The following MGAM2 variants were observed in gnomAD, a reference collection of about 807,000 sequenced individuals.
MGAM2 encodes the protein maltase-glucoamylase 2 (putative), also known as probable maltase-glucoamylase 2.
Under a neutral mutation model 96.1 loss-of-function variants are expected in MGAM2, and 98 were observed. That is an observed-to-expected ratio of 1.02 (90% CI 0.87 to 1.21). The LOEUF is 1.21. Among genes scored for constraint, MGAM2 ranks in the 50% most tolerant of loss-of-function variants. The probability of loss-of-function intolerance (pLI) is 0.00; values close to 1 mark genes in which losing one functional copy is unlikely to be tolerated. For missense variants in MGAM2, 2,055 were observed against 1,182.4 expected (o/e 1.74, Z -10.82); for synonymous variants, 749 against 414.8 (o/e 1.81, Z -9.79).
intron 31 of MGAM2, among the ~76,000 whole-genome samples, chr7:142,174,012 T>A (rs1458212164): frequency 6.6e-6 from 1 of 152,140 alleles, no homozygotes; most frequent in Non-Finnish European, 1.5e-5. Context: ...TGTTTCTGGG[T>A]TCTCTATTAT....
intron 1 of MGAM2, among the ~76,000 whole-genome samples, chr7:142,113,885 A>G (rs555187884): frequency 1.3e-5 from 2 of 152,148 alleles, no homozygotes; most frequent in Non-Finnish European, 2.9e-5. Context: ...TAATCCTAGC[A>G]TTTTGGGAGG....
At chr7:142,176,313 T>A (rs1026679193) in intron 32 of MGAM2, among the ~76,000 whole-genome samples, 14 of 152,184 alleles carry the variant, frequency 9.2e-5, no homozygotes, top group Non-Finnish European at 1.6e-4. Flanking sequence ...GGAAGCCACA[T>A]CTTGACAAAT....
chr7:142,211,316 G>A (rs1327966327), intron 46 of MGAM2, among the ~76,000 whole-genome samples: 1 of 152,090 alleles, frequency 6.6e-6, no homozygotes, highest in Non-Finnish European at 1.5e-5. Context: ...CACCAGCAAG[G>A]GAACAAAACT....
chr7:142,162,084 C>G (rs973760472), intron 23 of MGAM2, 80 bp downstream of exon 23: 1 of 600,394 alleles, frequency 1.7e-6, no homozygotes, highest in African/African-American at 1.9e-5. Flanking sequence ...AATATAGACA[C>G]ATGGTTATGT....
At position 142,166,197 on chromosome 7, in the gene MGAM2, C is replaced by T. The variant is rs1345252014; in HGVS notation, c.2752C>T (p.Pro918Ser). 2.7e-5 allele frequency: 19 copies of T among 702,282 alleles called. No homozygotes were observed. The highest frequency in any genetic ancestry group is 8.0e-5 in the Admixed American group (4 of 49,932). 43.5% of individuals were successfully genotyped at this position (702,282 alleles called of 1,614,324 possible). A position where few individuals can be genotyped will look rare whatever the true frequency, so the allele number is the denominator to read the frequency against. ...VSDLEKFNCY[P>S]DDPTASEESC... The stretch of plus-strand genomic sequence containing the variant: ...TGACCTGGAGAAGTTCAACTGCTAC[C>T]CTGATGATCCAACAGCCTCTGAGGA... The change falls in exon 25 of 48, where the codon CCT becomes TCT. Residue 918 changes from proline (P) to serine (S), a missense_variant. Physicochemically the swap from Pro to Ser is moderately conservative, Grantham distance 74 (BLOSUM62 -1). Coordinates refer to ENST00000477922, the MANE Select transcript of MGAM2 (RefSeq NM_001293626.2).
intron 23 of MGAM2, 46 bp downstream of exon 23, chr7:142,162,050 G>A (rs1350253983): frequency 2.9e-5 from 19 of 656,202 alleles, no homozygotes; most frequent in Non-Finnish European, 5.2e-5. Flanking sequence ...TCCTTGCTGG[G>A]AAGGCTCTTT....
chr7:142,136,481 G>C, intron 7 of MGAM2, 60 bp from the exon 8 acceptor site: 1 of 564,370 alleles, frequency 1.8e-6, no homozygotes, highest in South Asian at 2.4e-5. Context: ...ATTTATTTTA[G>C]GGTGAATGAA....
At chr7:142,184,218 C>T (rs1255393439) in intron 33 of MGAM2, among the ~76,000 whole-genome samples, 2 of 152,008 alleles carry the variant, frequency 1.3e-5, no homozygotes, top group Non-Finnish European at 2.9e-5. Flanking sequence ...GGTGATCCAC[C>T]TGCCTCGGCC....
Position 142,141,077 on chromosome 7 carries a change from G to A in MGAM2, c.1275G>A (p.Lys425=), listed in dbSNP as rs765166087. ...AGCCCTATAATAATGGAAGCCTAAA[G>A]AGAGTGTGGATCTTGGGGAGCAATG... ...NYEPYNNGSL[K]RVWILGSNGF... The change falls in exon 12 of 48, where the codon AAG becomes AAA. Residue 425 remains lysine, a synonymous_variant. Transcript: ENST00000477922. The A allele has an allele frequency of 5.7e-6, 4 of 701,968 alleles. No homozygotes were observed. Among genetic ancestry groups the A allele is most frequent in the Non-Finnish European group, 1.0e-5 (4 of 384,492 alleles). 43.5% of individuals were successfully genotyped at this position (701,968 alleles called of 1,614,324 possible).
chr7:142,151,884 T>C (rs1795590677), intron 15 of MGAM2, among the ~76,000 whole-genome samples: 1 of 152,064 alleles, frequency 6.6e-6, no homozygotes, highest in Admixed American at 6.5e-5. Flanking sequence ...GCAGAGTGGA[T>C]CAAAAAATGG....
intron 26 of MGAM2, among the ~76,000 whole-genome samples, chr7:142,168,260 T>A (rs1364014048): frequency 2.6e-5 from 4 of 151,226 alleles, no homozygotes; most frequent in Non-Finnish European, 5.9e-5. Flanking sequence ...CCTGAGGATT[T>A]GCATTTCTTT....
rs1056158144 is a variant in MGAM2 at position 142,164,805 on chromosome 7, T to C, written c.2485-51T>C. 6.5e-6 allele frequency: 4 copies of C among 618,574 alleles called. No homozygotes were observed. In the African/African-American group the frequency reaches 7.4e-5, roughly 11 times the overall value. The allele number at this position is 618,574 out of a possible 1,614,324, so 38.3% of individuals were successfully genotyped here. ...GACATTGACTGGTATTTGGGGATAATAAGGGTCTGAAGTACCTGGTTTCCA... is the reference window on the plus strand; with the variant it reads ...GACATTGACTGGTATTTGGGGATAACAAGGGTCTGAAGTACCTGGTTTCCA... On this transcript the variant is annotated intron_variant, in intron 23 of 47. Transcript: ENST00000477922.
chr7:142,175,256 T>C (rs1796336122), intron 31 of MGAM2, among the ~76,000 whole-genome samples: 1 of 152,192 alleles, frequency 6.6e-6, no homozygotes, highest in Non-Finnish European at 1.5e-5. Context: ...CCAGATTTAC[T>C]GTAGAAAAAA....
Position 142,167,353 on chromosome 7 carries a change from G to C in MGAM2, c.2894G>C (p.Ser965Thr), listed in dbSNP as rs1379468392. The change falls in exon 26 of 48, where the codon AGC (serine) becomes ACC (threonine). Residue 965 changes from serine (S) to threonine (T), a missense_variant. Ser to Thr is a moderately conservative substitution (Grantham distance 58, BLOSUM62 1). Coordinates refer to ENST00000477922, the MANE Select transcript of MGAM2 (RefSeq NM_001293626.2). ...VASDIQYLNT[S>T]ITADLSLPMA... is the part of the protein sequence containing the mutation. ...AGTGATATTCAGTACCTGAACACCA[G>C]CATCACTGCAGACCTTTCCCTCCCG... 9 of 702,736 alleles carry C rather than the reference G, an allele frequency of 1.3e-5. No homozygotes were observed. Among genetic ancestry groups the C allele is most frequent in the Non-Finnish European group, 2.3e-5 (9 of 384,952 alleles). 43.5% of individuals were successfully genotyped at this position (702,736 alleles called of 1,614,324 possible).
At chr7:142,163,277 GT>G (rs985894031) in intron 23 of MGAM2, among the ~76,000 whole-genome samples, 3 of 152,092 alleles carry the variant, frequency 2.0e-5, no homozygotes, top group African/African-American at 4.8e-5. Flanking sequence ...ACATAAGTTT[GT>G]TTTTTTGTTT....
At chr7:142,218,329 T>C (rs900215088) in intron 46 of MGAM2, 32 bp from the exon 47 acceptor site, 12 of 647,516 alleles carry the variant, frequency 1.9e-5, no homozygotes, top group Admixed American at 4.7e-5. Context: ...CAATATGTTA[T>C]GTATTCTTTT....
intron 3 of MGAM2, among the ~76,000 whole-genome samples, chr7:142,126,673 C>A (rs954185185): frequency 7.2e-5 from 11 of 152,010 alleles, no homozygotes; most frequent in Non-Finnish European, 1.0e-4. Flanking sequence ...TCTCATGATT[C>A]TTACTCATTC....
intron 35 of MGAM2, 88 bp downstream of exon 35, chr7:142,186,211 A>G: frequency 1.5e-6 from 1 of 661,476 alleles, no homozygotes. Context: ...AAGCAGAGAC[A>G]TAGGGCTGAA....
intron 45 of MGAM2, among the ~76,000 whole-genome samples, chr7:142,202,666 G>C (rs1363867806): frequency 6.6e-6 from 1 of 152,172 alleles, no homozygotes; most frequent in African/African-American, 2.4e-5. Context: ...TTTTATGGCT[G>C]TGTAGTATTC....
Sources: gnomAD v4.1 joint callset for allele counts (sites outside exome capture counted in the v4.1 genomes callset) on GRCh38, gnomAD v4.1.1 for gene constraint, MANE v1.5 for transcripts, NCBI Gene and HGNC (gene_info 2026-07-23, HGNC 2026-07-21) for gene names.